WWOX: variants seen among roughly 807,000 people sequenced by gnomAD.
WWOX encodes WW domain-containing oxidoreductase.
A neutral mutation model predicts 46.2 loss-of-function variants in WWOX; 69 were observed. That is an observed-to-expected ratio of 1.49 (90% CI 1.23 to 1.82). The LOEUF is 1.82. WWOX is among the 40% of genes most tolerant of loss of function. WWOX has a pLI of 0.00. For missense variants in WWOX, 919 were observed against 542.6 expected (o/e 1.69, Z -6.89); for synonymous variants, 359 against 202.6 (o/e 1.77, Z -6.56).
At chr16:78,667,657 T>G (rs1299485436) in intron 8 of WWOX, among the ~76,000 whole-genome samples, 1 of 116,240 alleles carries the variant, frequency 8.6e-6, no homozygotes, top group Non-Finnish European at 1.6e-5. Context: ...GGCGACAGAG[T>G]GAGACTCCGT....
chr16:79,095,466 G>A (rs1208432874), intron 8 of WWOX, among the ~76,000 whole-genome samples: 4 of 152,196 alleles, frequency 2.6e-5, no homozygotes, highest in African/African-American at 4.8e-5. Context: ...AGAGGTGGGG[G>A]CAGCAGGATG....
chr16:78,853,385 G>T (rs150626624), intron 8 of WWOX, among the ~76,000 whole-genome samples: 2 of 151,992 alleles, frequency 1.3e-5, no homozygotes, highest in East Asian at 1.9e-4. Flanking sequence ...ACTGATTTTT[G>T]TATTTTTAGT....
intron 8 of WWOX, among the ~76,000 whole-genome samples, chr16:79,209,251 C>T (rs968835034): frequency 1.3e-5 from 2 of 152,184 alleles, no homozygotes; most frequent in Non-Finnish European, 2.9e-5. Context: ...AAAGGTAGGT[C>T]CCCAGCTCCT....
chr16:78,560,996 T>C (rs1216841978), intron 8 of WWOX, among the ~76,000 whole-genome samples: 2 of 152,186 alleles, frequency 1.3e-5, no homozygotes, highest in East Asian at 1.9e-4. Flanking sequence ...TCAGGGTCTC[T>C]TGGGGACAAA....
intron 8 of WWOX, among the ~76,000 whole-genome samples, chr16:78,629,141 A>G (rs999769462): frequency 6.6e-6 from 1 of 152,314 alleles, no homozygotes; most frequent in East Asian, 1.9e-4. Flanking sequence ...TTCAAAGGGC[A>G]CCACTGCTCG....
rs1555519153 is a variant in WWOX at position 78,321,328 on chromosome 16, GTATATATGCGTA to G, written c.517-65524_517-65513del. ...CGTATATATATGCGTATATATATAC[GTATATATGCGTA>G]TATATATACGTATATATGCGTATAT... On this transcript the variant is annotated intron_variant, in intron 5 of 8. Coordinates refer to ENST00000566780, the MANE Select transcript of WWOX (RefSeq NM_016373.4). Among the ~76,000 whole-genome samples, 158 of 66,240 alleles carry G rather than the reference GTATATATGCGTA, an allele frequency of 2.4e-3. 9 individuals are homozygous for G. Among genetic ancestry groups the G allele is most frequent in the African/African-American group, 0.012 (116 of 9,982 alleles). The allele number at this position is 66,240 out of a possible 152,430, so 43.5% of individuals were successfully genotyped here. A position where few individuals can be genotyped will look rare whatever the true frequency, so the allele number is the denominator to read the frequency against.
intron 4 of WWOX, among the ~76,000 whole-genome samples, chr16:78,157,762 G>A (rs1185179549): frequency 6.6e-6 from 1 of 152,166 alleles, no homozygotes; most frequent in African/African-American, 2.4e-5. Flanking sequence ...AATTCTGGTT[G>A]GTATTAAAGT....
chr16:78,840,595 T>A (rs12599878), intron 8 of WWOX, among the ~76,000 whole-genome samples: 6 of 152,006 alleles, frequency 3.9e-5, no homozygotes, highest in Non-Finnish European at 4.4e-5. Context: ...ACTCAGTATC[T>A]ACTCTAGTAG....
intron 8 of WWOX, among the ~76,000 whole-genome samples, chr16:78,587,420 C>G (rs927514468): frequency 2.0e-5 from 3 of 151,978 alleles, no homozygotes; most frequent in African/African-American, 7.3e-5. Context: ...TAAAAAGAAA[C>G]AATTCAGCAA....
At chr16:78,421,596 C>A (rs555123100) in intron 6 of WWOX, among the ~76,000 whole-genome samples, 2 of 152,190 alleles carry the variant, frequency 1.3e-5, no homozygotes, top group Non-Finnish European at 2.9e-5. Context: ...AGGTACCATT[C>A]AACTCACAGA....
chr16:78,264,010 T>G (rs2079306851), intron 5 of WWOX, among the ~76,000 whole-genome samples: 1 of 139,710 alleles, frequency 7.2e-6, no homozygotes, highest in Non-Finnish European at 1.5e-5. Context: ...TTTTTTTTTT[T>G]TTTTTGTTTT....
rs772618861 is a variant in WWOX at position 78,158,263 on chromosome 16, A to T, written c.410-5920A>T. Among the ~76,000 whole-genome samples, 73 of 152,174 alleles carry T rather than the reference A, an allele frequency of 4.8e-4. 1 individual carries two copies. The highest frequency in any genetic ancestry group is 1.3e-3 in the East Asian group (7 of 5,200). ...CTGATTTTGCGTGCATATTAACATTATCTTGTAAACAATAATTTATGGCCA... is the reference window on the plus strand; with the variant it reads ...CTGATTTTGCGTGCATATTAACATTTTCTTGTAAACAATAATTTATGGCCA... On this transcript the variant is annotated intron_variant, in intron 4 of 8. Transcript: ENST00000566780.
chr16:78,212,454 AC>A (rs1273368084), intron 5 of WWOX, among the ~76,000 whole-genome samples: 1 of 152,080 alleles, frequency 6.6e-6, no homozygotes, highest in Non-Finnish European at 1.5e-5. Flanking sequence ...TGGAGGAACA[AC>A]CCCTTCTTTG....
At chr16:78,502,392 A>G (rs1049959241) in intron 8 of WWOX, among the ~76,000 whole-genome samples, 2 of 152,162 alleles carry the variant, frequency 1.3e-5, no homozygotes, top group Admixed American at 6.5e-5. Context: ...TGCTGTTTCT[A>G]TGGATTTACC....
At chr16:78,545,677 G>C (rs111919597) in intron 8 of WWOX, among the ~76,000 whole-genome samples, 12 of 152,286 alleles carry the variant, frequency 7.9e-5, no homozygotes, top group African/African-American at 2.9e-4. Context: ...TGGCTAACAT[G>C]ACAAAATACC....
chr16:79,058,482 G>C (rs919064760), intron 8 of WWOX, among the ~76,000 whole-genome samples: 1 of 152,016 alleles, frequency 6.6e-6, no homozygotes, highest in Non-Finnish European at 1.5e-5. Context: ...GGGAAGAAGG[G>C]GAAAAAGAGG....
chr16:78,213,322 T>G (rs1447701685), intron 5 of WWOX, among the ~76,000 whole-genome samples: 1 of 151,528 alleles, frequency 6.6e-6, no homozygotes. Flanking sequence ...CATGTGCCTC[T>G]GTTCTTTCCC....
At chr16:78,603,976 T>C (rs2045685097) in intron 8 of WWOX, among the ~76,000 whole-genome samples, 2 of 151,858 alleles carry the variant, frequency 1.3e-5, no homozygotes, top group African/African-American at 2.4e-5. Context: ...ACCCTTCTAC[T>C]ACAAGACATA....
intron 8 of WWOX, among the ~76,000 whole-genome samples, chr16:78,853,492 C>G (rs1002917092): frequency 1.3e-5 from 2 of 152,150 alleles, no homozygotes; most frequent in African/African-American, 4.8e-5. Context: ...ATCCAGAAAT[C>G]CAGTTTCAGC....
Sources: gnomAD v4.1 joint callset for allele counts (sites outside exome capture counted in the v4.1 genomes callset) on GRCh38, gnomAD v4.1.1 for gene constraint, MANE v1.5 for transcripts, NCBI Gene and HGNC (gene_info 2026-07-23, HGNC 2026-07-21) for gene names.